Variants in ACACB observed in about 807,000 individuals in gnomAD.
ACACB encodes the protein acetyl-CoA carboxylase beta, also known as acetyl-CoA carboxylase 2.
In ACACB, 209 loss-of-function variants were observed where a neutral mutation model predicts 278.8. That is an observed-to-expected ratio of 0.75 (90% CI 0.67 to 0.84). The LOEUF (loss-of-function observed/expected upper bound fraction) is 0.84, where lower values mean the gene tolerates loss of function less well. ACACB is among the 40% of genes least tolerant of loss of function. The pLI, the probability that ACACB is intolerant of heterozygous loss-of-function variation, is 0.00. For missense variants in ACACB, 2,850 were observed against 3,269.0 expected, an observed-to-expected ratio of 0.87 and a Z score of 3.13; for synonymous variants, 1,174 against 1,285.6, an observed-to-expected ratio of 0.91 and a Z score of 1.86.
intron 12 of ACACB, among the ~76,000 whole-genome samples, chr12:109,187,117 G>A (rs1247256226): frequency 6.6e-6 from 1 of 151,378 alleles, no homozygotes; most frequent in African/African-American, 2.4e-5. Flanking sequence ...GAAGAGGGGA[G>A]TGAGGAAGGA....
intron 11 of ACACB, among the ~76,000 whole-genome samples, chr12:109,181,561 A>T (rs561317537): frequency 6.6e-6 from 1 of 152,202 alleles, no homozygotes; most frequent in East Asian, 1.9e-4. Flanking sequence ...TCATCTGTTG[A>T]TGGACATTTA....
chr12:109,133,304 C>T (rs1291655914), intron 1 of ACACB, among the ~76,000 whole-genome samples: 5 of 152,140 alleles, frequency 3.3e-5, no homozygotes, highest in Non-Finnish European at 5.9e-5. Flanking sequence ...GATCTTGGCT[C>T]ACTGCAACCT....
At chr12:109,244,641 G>T (rs373754834) in intron 37 of ACACB, among the ~76,000 whole-genome samples, 1 of 151,666 alleles carries the variant, frequency 6.6e-6, no homozygotes, top group African/African-American at 2.4e-5. Context: ...TATTTATAGT[G>T]GAGACAGGGT....
At chr12:109,167,796 T>A in intron 3 of ACACB, 100 bp from the exon 4 acceptor site, 1 of 1,568,112 alleles carries the variant, frequency 6.4e-7, no homozygotes, top group Admixed American at 1.7e-5. Context: ...CTGCGGGGGC[T>A]GCAGGAGGCT....
intron 2 of ACACB, among the ~76,000 whole-genome samples, chr12:109,165,003 G>A (rs1302515860): frequency 6.6e-6 from 1 of 152,158 alleles, no homozygotes; most frequent in Non-Finnish European, 1.5e-5. Flanking sequence ...CTGAAAGGGA[G>A]TCTCCAGGGT....
chr12:109,160,643 G>A (rs929499470), intron 2 of ACACB, among the ~76,000 whole-genome samples: 2 of 152,230 alleles, frequency 1.3e-5, no homozygotes, highest in South Asian at 2.1e-4. Context: ...ATGGCACTTA[G>A]GATGATCCTC....
At chr12:109,260,238 C>A in intron 47 of ACACB, 4 of 1,366,694 alleles carry the variant, frequency 2.9e-6, no homozygotes, top group South Asian at 1.2e-5. Context: ...GGAAAGAATC[C>A]TAGAGATTGG....
rs1267745452 is a variant in ACACB, at chr12:109,241,283, TA to T, written c.5022+4del. The T allele has an allele frequency of 5.0e-6, 8 of 1,614,064 alleles. No homozygotes were observed. The highest frequency in any genetic ancestry group is 6.8e-6 in the Non-Finnish European group (8 of 1,179,930). On this transcript the variant is annotated splice_donor_region_variant and intron_variant, in intron 36 of 52. Transcript: ENST00000338432. ...GTGACTGACTCCAGATCTGGAAATG[TA>T]AGGCTGGCCCGCGCCGTGGGGGTCT... is the stretch of plus-strand genomic sequence containing the variant.
intron 11 of ACACB, among the ~76,000 whole-genome samples, chr12:109,180,669 G>T (rs934937959): frequency 6.6e-6 from 1 of 151,980 alleles, no homozygotes; most frequent in Non-Finnish European, 1.5e-5. Context: ...ACGGAGTCTT[G>T]CTCTGTTGCC....
At position 109,168,355 on chromosome 12, in the gene ACACB, G is replaced by A. The variant is rs1399848884; in HGVS notation, c.925+321G>A. 5.3e-5 allele frequency among the ~76,000 whole-genome samples: 8 copies of A among 152,200 alleles called. No individual in the cohort carries two copies. In the East Asian group the frequency reaches 9.6e-4, roughly 18 times the overall value. Reference sequence around the variant, plus strand: ...ATTTCAATCATTTGTTCATTCTTCCGTTCATTTGCCTAAGTTTATTATAAT... The same window carrying A: ...ATTTCAATCATTTGTTCATTCTTCCATTCATTTGCCTAAGTTTATTATAAT... On this transcript the variant is annotated intron_variant, in intron 4 of 52. Coordinates refer to ENST00000338432, the MANE Select transcript of ACACB (RefSeq NM_001093.4).
intron 2 of ACACB, among the ~76,000 whole-genome samples, chr12:109,154,032 A>T (rs2043449682): frequency 6.6e-6 from 1 of 152,226 alleles, no homozygotes. Flanking sequence ...GATAACATGC[A>T]TCTCTGGGCC....
intron 6 of ACACB, among the ~76,000 whole-genome samples, chr12:109,173,322 T>G (rs1157564088): frequency 1.3e-5 from 2 of 152,248 alleles, no homozygotes; most frequent in Non-Finnish European, 2.9e-5. Context: ...TTGTGTAGTT[T>G]AGGGGAATCA....
rs539840623 is a variant in ACACB at position 109,267,869 on chromosome 12, A to T, written c.*1507A>T. ...GGTTTGTCCAAGGATGCTGAATGTAATGCCTGGTCAATGTGGAAGCCCATG... is the reference window on the plus strand; with the variant it reads ...GGTTTGTCCAAGGATGCTGAATGTATTGCCTGGTCAATGTGGAAGCCCATG... On this transcript the variant is annotated 3_prime_UTR_variant, in exon 53 of 53. Coordinates refer to ENST00000338432, the MANE Select transcript of ACACB (RefSeq NM_001093.4). 4.9e-4 allele frequency: 74 copies of T among 152,376 alleles called. No individual in the cohort carries two copies. Among genetic ancestry groups the T allele is most frequent in the Admixed American group, 1.4e-3 (21 of 15,298 alleles). 9.4% of individuals were successfully genotyped at this position (152,376 alleles called of 1,614,324 possible).
chr12:109,199,708 A>C (rs1286027071), intron 18 of ACACB, among the ~76,000 whole-genome samples, 156 bp downstream of exon 18: 1 of 152,224 alleles, frequency 6.6e-6, no homozygotes, highest in East Asian at 1.9e-4. Flanking sequence ...AAATCCCCTG[A>C]AGTATTCAAA....
Position 109,260,480 on chromosome 12 carries a change from A to T in ACACB, c.6497A>T (p.Asp2166Val). Reference sequence around the variant, plus strand: ...ACTGGGAGGCTGCTTTGCTTTTCAGACATGTATGACCAGGTGCTGAAGTTT... The same window carrying T: ...ACTGGGAGGCTGCTTTGCTTTTCAGTCATGTATGACCAGGTGCTGAAGTTT... ...NWRGFSGGMK[D>V]MYDQVLKFGA... Residue 2166 changes from aspartate to valine, a missense_variant and splice_region_variant, in exon 48 of 53, where the codon GAC becomes GTC. By Grantham distance (152) the Asp-to-Val change is radical. Around this residue, in one of 3 missense-constraint regions of ACACB, gnomAD observed 579 missense variants for 684.6 expected, o/e 0.85. Transcript: ENST00000338432. The T allele has an allele frequency of 6.2e-7, 1 of 1,614,162 alleles. No homozygotes were observed. Among genetic ancestry groups the T allele is most frequent in the Non-Finnish European group, 8.5e-7 (1 of 1,180,024 alleles).
intron 20 of ACACB, among the ~76,000 whole-genome samples, chr12:109,208,916 CA>C (rs891070528): frequency 2.0e-5 from 3 of 152,158 alleles, no homozygotes; most frequent in Non-Finnish European, 4.4e-5. Context: ...TTTGATCCCC[CA>C]CACCATGCTG....
Position 109,239,926 on chromosome 12 carries a change from A to C in ACACB, c.4759A>C (p.Thr1587Pro). ...EVAFNNTSVRTDCNHIFLNFV... is the reference protein window; with the variant it reads ...EVAFNNTSVRPDCNHIFLNFV... ...GGCGTTCAATAACACCAGCGTGCGC[A>C]CCGACTGCAACCACATCTTCCTCAA... is the stretch of plus-strand genomic sequence containing the variant. The change falls in exon 35 of 53, where the codon ACC becomes CCC. Residue 1587 changes from threonine to proline, a missense_variant. By Grantham distance (38) the Thr-to-Pro change is conservative (BLOSUM62 -1). Transcript: ENST00000338432. The C allele has an allele frequency of 6.2e-7, 1 of 1,614,212 alleles. No individual in the cohort carries two copies. Among genetic ancestry groups the C allele is most frequent in the Non-Finnish European group, 8.5e-7 (1 of 1,180,034 alleles).
At chr12:109,115,307 A>G (rs1345492993), upstream of ACACB, among the ~76,000 whole-genome samples, 1 of 152,190 alleles carries the variant, frequency 6.6e-6, no homozygotes, top group African/African-American at 2.4e-5. Flanking sequence ...AAAGCCTAAT[A>G]GTCCTGCCAC....
In ACACB at chr12:109,241,133, T is replaced by A. The variant is rs1355149533; in HGVS notation, c.4874T>A (p.Leu1625His). The change falls in exon 36 of 53, where the codon CTC (leucine) becomes CAC (histidine). Residue 1625 changes from leucine to histidine, a missense_variant. By Grantham distance (99) the Leu-to-His change is moderately conservative. Transcript: ENST00000338432. ...VMRYGSRLWK[L>H]RVLQAEVKIN... ...CGCTACGGCAGCCGGCTGTGGAAAC[T>A]CCGTGTGCTACAGGCTGAGGTCAAG... The A allele has an allele frequency of 6.2e-7, 1 of 1,614,072 alleles. No individual in the cohort carries two copies. Among genetic ancestry groups the A allele is most frequent in the Admixed American group, 1.7e-5 (1 of 60,008 alleles).
Sources: gnomAD v4.1 joint callset for allele counts (sites outside exome capture counted in the v4.1 genomes callset) on GRCh38, gnomAD v4.1.1 for gene constraint, gnomAD v4.1.1 regional missense constraint, MANE v1.5 for transcripts, NCBI Gene and HGNC (gene_info 2026-07-23, HGNC 2026-07-21) for gene names.